Variants in DEPTOR observed in about 807,000 individuals in gnomAD.
DEPTOR encodes the protein DEP domain containing MTOR interacting protein.
In DEPTOR, 41 loss-of-function variants were observed where a neutral mutation model predicts 41.6. The ratio of observed to expected loss-of-function variants is 0.98; its 90% CI spans 0.77 to 1.28. The LOEUF (loss-of-function observed/expected upper bound fraction) is 1.28. Among genes scored for constraint, DEPTOR ranks in the 50% most tolerant of loss-of-function variants. The pLI is 0.00. For missense variants in DEPTOR, 514 were observed against 527.9 expected, an observed-to-expected ratio of 0.97 and a Z score of 0.26; for synonymous variants, 195 against 192.3, an observed-to-expected ratio of 1.01 and a Z score of -0.12.
intron 1 of DEPTOR, among the ~76,000 whole-genome samples, chr8:119,893,384 A>G (rs747853816): frequency 7.2e-5 from 11 of 152,216 alleles, no homozygotes; most frequent in Non-Finnish European, 1.2e-4. Flanking sequence ...ACGTTTATTC[A>G]GGGAGGAGTT....
intron 4 of DEPTOR, among the ~76,000 whole-genome samples, chr8:120,000,929 T>C (rs1224387644): frequency 1.3e-5 from 2 of 151,366 alleles, no homozygotes; most frequent in East Asian, 4.0e-4. Flanking sequence ...ATACAAAAAT[T>C]AGCCAGGTGT....
chr8:120,013,158 A>AC (rs1164200604), intron 8 of DEPTOR, among the ~76,000 whole-genome samples: 1 of 151,306 alleles, frequency 6.6e-6, no homozygotes, highest in Non-Finnish European at 1.5e-5. Context: ...CTGTCTCAAA[A>AC]AGAAAAAAAA....
intron 1 of DEPTOR, among the ~76,000 whole-genome samples, chr8:119,882,649 T>C (rs995019374): frequency 6.6e-6 from 1 of 152,032 alleles, no homozygotes; most frequent in African/African-American, 2.4e-5. Flanking sequence ...ACTCCAGCAA[T>C]CCTCCCACCT....
chr8:119,900,346 A>T (rs1422197807), intron 1 of DEPTOR, among the ~76,000 whole-genome samples: 1 of 103,452 alleles, frequency 9.7e-6, no homozygotes, highest in Non-Finnish European at 2.1e-5. Flanking sequence ...AAGAAAAAAA[A>T]AAAAAAACTA....
At chr8:119,938,587 GT>G (rs1281716584) in intron 3 of DEPTOR, among the ~76,000 whole-genome samples, 1 of 152,016 alleles carries the variant, frequency 6.6e-6, no homozygotes, top group African/African-American at 2.4e-5. Context: ...ATCTTGGCTG[GT>G]TGCAATCTCT....
chr8:119,958,030 A>G lies in DEPTOR; in HGVS notation c.426-7202A>G, dbSNP rs1369413182. Among the ~76,000 whole-genome samples, 3 of 152,154 alleles carry G rather than the reference A, an allele frequency of 2.0e-5. No homozygotes were observed. The East Asian group carries it at 5.8e-4, about 29-fold the overall frequency. On this transcript the variant is annotated intron_variant, in intron 3 of 8. Coordinates refer to ENST00000286234, the MANE Select transcript of DEPTOR (RefSeq NM_022783.4). ...AACATGCCTCAGTGTGTGTGGTTTC[A>G]TGTATCTTTGCCACTGCTTATTCAT... is the stretch of plus-strand genomic sequence containing the variant.
At chr8:119,874,049 C>T (rs1827199933) in intron 1 of DEPTOR, 81 bp downstream of exon 1, 2 of 1,580,776 alleles carry the variant, frequency 1.3e-6, no homozygotes, top group South Asian at 1.1e-5. Flanking sequence ...CACGCGCTCC[C>T]TGGCTCGTGG....
chr8:119,988,037 C>T (rs973717945), intron 4 of DEPTOR, among the ~76,000 whole-genome samples: 1 of 152,114 alleles, frequency 6.6e-6, no homozygotes, highest in African/African-American at 2.4e-5. Flanking sequence ...AGTTCTGTCT[C>T]GCTGGTGTTC....
chr8:119,986,846 C>T (rs760623272), intron 4 of DEPTOR, among the ~76,000 whole-genome samples: 2 of 151,740 alleles, frequency 1.3e-5, no homozygotes, highest in Non-Finnish European at 1.5e-5. Flanking sequence ...GTATGCTTCA[C>T]AAAGTTCTCA....
intron 1 of DEPTOR, among the ~76,000 whole-genome samples, chr8:119,880,162 A>AAAATG (rs2129671429): frequency 6.9e-6 from 1 of 145,818 alleles, no homozygotes; most frequent in African/African-American, 2.8e-5. Flanking sequence ...AAAATAAAAT[A>AAAATG]AAATAAAATA....
At chr8:119,904,522 T>C (rs1253057964) in intron 1 of DEPTOR, among the ~76,000 whole-genome samples, 1 of 151,994 alleles carries the variant, frequency 6.6e-6, no homozygotes. Flanking sequence ...TGAGGCAGAG[T>C]CTCACTCTGT....
chr8:119,974,591 G>A (rs1828674323), intron 4 of DEPTOR, among the ~76,000 whole-genome samples: 1 of 152,142 alleles, frequency 6.6e-6, no homozygotes. Flanking sequence ...GGCTGACATG[G>A]TGAAACCCCG....
chr8:120,036,961 C>T (rs1444250703), intron 8 of DEPTOR, among the ~76,000 whole-genome samples: 2 of 152,200 alleles, frequency 1.3e-5, no homozygotes, highest in Non-Finnish European at 1.5e-5. Context: ...AGCAAATTCT[C>T]TCTCATACCT....
chr8:119,975,555 A>G (rs1302411039), intron 4 of DEPTOR, among the ~76,000 whole-genome samples: 1 of 152,136 alleles, frequency 6.6e-6, no homozygotes, highest in Non-Finnish European at 1.5e-5. Flanking sequence ...ATTCTTGCTC[A>G]AGACAGGCCA....
At chr8:120,045,572 G>A (rs895035026) in intron 8 of DEPTOR, among the ~76,000 whole-genome samples, 1 of 151,964 alleles carries the variant, frequency 6.6e-6, no homozygotes, top group East Asian at 1.9e-4. Context: ...ACAGAGTTTC[G>A]CCATGTTGCC....
intron 4 of DEPTOR, among the ~76,000 whole-genome samples, chr8:119,982,673 G>A (rs1186881203): frequency 6.6e-6 from 1 of 152,180 alleles, no homozygotes; most frequent in Non-Finnish European, 1.5e-5. Flanking sequence ...CCACAAAGGC[G>A]CTGTCCATCT....
chr8:119,944,828 G>T (rs1828251079), intron 3 of DEPTOR, among the ~76,000 whole-genome samples: 1 of 151,906 alleles, frequency 6.6e-6, no homozygotes, highest in Admixed American at 6.6e-5. Context: ...CTAATTTTTT[G>T]TATTTTTAGT....
At chr8:120,006,976 T>C in intron 7 of DEPTOR, 101 bp downstream of exon 7, 1 of 1,148,530 alleles carries the variant, frequency 8.7e-7, no homozygotes, top group East Asian at 2.5e-5. Flanking sequence ...AAACTACTTT[T>C]CTAATTTTCT....
At chr8:119,939,140 A>G (rs939309870) in intron 3 of DEPTOR, among the ~76,000 whole-genome samples, 10 of 152,220 alleles carry the variant, frequency 6.6e-5, no homozygotes, top group Non-Finnish European at 1.3e-4. Flanking sequence ...TTTATACTGT[A>G]TAATTTCTCT....
Sources: gnomAD v4.1 joint callset for allele counts (sites outside exome capture counted in the v4.1 genomes callset) on GRCh38, gnomAD v4.1.1 for gene constraint, MANE v1.5 for transcripts, NCBI Gene and HGNC (gene_info 2026-07-23, HGNC 2026-07-21) for gene names.